Variants in GPC5 observed in about 807,000 individuals in gnomAD.
GPC5 encodes glypican-5.
Under a neutral mutation model 53.9 loss-of-function variants are expected in GPC5, and 47 were observed. That is an observed-to-expected ratio of 0.87 (90% CI 0.69 to 1.11). The LOEUF (loss-of-function observed/expected upper bound fraction) is 1.11. GPC5 is among the 50% of genes most tolerant of loss of function. GPC5 has a pLI of 0.00. For missense variants in GPC5, 748 were observed against 713.1 expected (o/e 1.05, Z -0.56); for synonymous variants, 286 against 263.3 (o/e 1.09, Z -0.84).
intron 7 of GPC5, among the ~76,000 whole-genome samples, chr13:92,834,475 A>T (rs930548717): frequency 6.6e-6 from 1 of 152,142 alleles, no homozygotes; most frequent in Non-Finnish European, 1.5e-5. Context: ...AGTAACATGT[A>T]TCTAGATAGA....
In GPC5 at chr13:92,284,710, C is replaced by G. The variant is rs532162539; in HGVS notation, c.1561+139721C>G. ...TCAACAGCCCTTCATGCTAAAAACT[C>G]TGAACAAATTAGGTGTTGATGAGAA... On this transcript the variant is annotated intron_variant, in intron 7 of 7. Coordinates refer to ENST00000377067, the MANE Select transcript of GPC5 (RefSeq NM_004466.6). 4.6e-5 allele frequency among the ~76,000 whole-genome samples: 7 copies of G among 152,266 alleles called. 1 individual carries two copies. In the South Asian group the frequency reaches 1.0e-3, roughly 23 times the overall value.
intron 7 of GPC5, among the ~76,000 whole-genome samples, chr13:92,350,036 A>T (rs1200967090): frequency 2.0e-5 from 3 of 152,202 alleles, no homozygotes; most frequent in African/African-American, 7.2e-5. Context: ...ATCATCCATC[A>T]TGATCAAGTG....
intron 7 of GPC5, among the ~76,000 whole-genome samples, chr13:92,470,272 C>T (rs945496594): frequency 6.6e-6 from 1 of 152,066 alleles, no homozygotes; most frequent in Non-Finnish European, 1.5e-5. Flanking sequence ...ATTTGCTCTG[C>T]AATAGTAAAT....
chr13:92,559,741 T>C (rs766052830), intron 7 of GPC5, among the ~76,000 whole-genome samples: 5 of 151,658 alleles, frequency 3.3e-5, no homozygotes, highest in Non-Finnish European at 5.9e-5. Context: ...ACTTTCCCCT[T>C]GCTTTTCTGT....
At chr13:92,132,997 A>AT (rs561234334) in intron 6 of GPC5, among the ~76,000 whole-genome samples, 16 of 150,798 alleles carry the variant, frequency 1.1e-4, no homozygotes, top group Middle Eastern at 6.9e-3. Flanking sequence ...TAAGCTCCTC[A>AT]TTTTTTTTTG....
Position 91,756,324 on chromosome 13 carries a change from G to T in GPC5, c.1184G>T (p.Arg395Met), listed in dbSNP as rs1368116796. The change falls in exon 5 of 8, where the codon AGG becomes ATG. Residue 395 changes from arginine (R) to methionine (M), a missense_variant. Arg to Met is a moderately conservative substitution (Grantham distance 91). Transcript: ENST00000377067. ...TTTATCAACAGCCTTCGACTGTACA[G>T]GTCATTCTATGGAGGTCTAGCTGAT... ...KEFINSLRLYRSFYGGLADQL... is the reference protein window; with the variant it reads ...KEFINSLRLYMSFYGGLADQL... 7 of 1,580,760 alleles carry T rather than the reference G, an allele frequency of 4.4e-6. No homozygotes were observed. In the African/African-American group the frequency reaches 9.4e-5, roughly 21 times the overall value.
chr13:92,450,266 A>G (rs923452061), intron 7 of GPC5, among the ~76,000 whole-genome samples: 2 of 152,202 alleles, frequency 1.3e-5, no homozygotes, highest in Non-Finnish European at 2.9e-5. Context: ...AAAGCTTGAG[A>G]ACAGAAGTAT....
At chr13:92,149,524 G>T (rs1246308595) in intron 7 of GPC5, among the ~76,000 whole-genome samples, 1 of 151,992 alleles carries the variant, frequency 6.6e-6, no homozygotes, top group Non-Finnish European at 1.5e-5. Context: ...TTTCTCACAT[G>T]GTAACTTTGT....
chr13:92,199,876 T>A lies in GPC5; in HGVS notation c.1561+54887T>A, dbSNP rs2042282259. Among the ~76,000 whole-genome samples the A allele has an allele frequency of 2.6e-5, 4 of 152,158 alleles. No homozygotes were observed. In the South Asian group the frequency reaches 8.3e-4, roughly 32 times the overall value. On this transcript the variant is annotated intron_variant, in intron 7 of 7. Coordinates refer to ENST00000377067, the MANE Select transcript of GPC5 (RefSeq NM_004466.6). ...CTAGACTGCTGTATATAACATCGTG[T>A]CTCAGGAATTTCTTTGAGAAAATAG...
intron 2 of GPC5, among the ~76,000 whole-genome samples, chr13:91,674,731 G>A (rs1019254677): frequency 6.7e-5 from 10 of 149,370 alleles, no homozygotes; most frequent in African/African-American, 2.0e-4. Context: ...ATGTCTCAGA[G>A]CTTTACTGAA....
chr13:92,641,862 C>T lies in GPC5; in HGVS notation c.1562-224420C>T, dbSNP rs114107294. On this transcript the variant is annotated intron_variant, in intron 7 of 7. Coordinates refer to ENST00000377067, the MANE Select transcript of GPC5 (RefSeq NM_004466.6). ...AGGGAGTGGTAGGCATGTGATACTT[C>T]TCTTTCATCTGGACATATTCCTTAA... Among the ~76,000 whole-genome samples the T allele has an allele frequency of 9.4e-3, 1,430 of 152,242 alleles. 23 individuals are homozygous for T. Among genetic ancestry groups the T allele is most frequent in the African/African-American group, 0.033 (1,377 of 41,546 alleles).
chr13:92,448,165 C>A (rs749065505), intron 7 of GPC5: 1 of 151,970 alleles, frequency 6.6e-6, no homozygotes, highest in Non-Finnish European at 1.5e-5. Flanking sequence ...TGAATGAGAA[C>A]TTTAAAAATA....
At position 91,803,528 on chromosome 13, in the gene GPC5, C is replaced by T. The variant is rs184508026; in HGVS notation, c.1280+47108C>T. Among the ~76,000 whole-genome samples, 468 of 151,896 alleles carry T rather than the reference C, an allele frequency of 3.1e-3. 11 individuals carry two copies. The highest frequency in any genetic ancestry group is 4.3e-3 in the Admixed American group (66 of 15,240). The stretch of plus-strand genomic sequence containing the variant: ...TGTTATTTCTTACCATAAATTTCAC[C>T]ATTATAAAAAAGTTGCTCTCCACAA... On this transcript the variant is annotated intron_variant, in intron 5 of 7. Transcript: ENST00000377067.
chr13:91,555,699 C>T (rs948943377), intron 2 of GPC5, among the ~76,000 whole-genome samples: 1 of 152,082 alleles, frequency 6.6e-6, no homozygotes, highest in Non-Finnish European at 1.5e-5. Context: ...GTTAAATGGA[C>T]TCATAGTTCC....
chr13:91,846,897 G>C (rs2038855273), intron 5 of GPC5, among the ~76,000 whole-genome samples: 1 of 152,064 alleles, frequency 6.6e-6, no homozygotes, highest in African/African-American at 2.4e-5. Flanking sequence ...TAAGTTCAAA[G>C]AGAGAATGTA....
At chr13:92,858,275 T>G (rs1879069555) in intron 7 of GPC5, among the ~76,000 whole-genome samples, 1 of 152,128 alleles carries the variant, frequency 6.6e-6, no homozygotes, top group Admixed American at 6.6e-5. Context: ...GATCTGATGG[T>G]TTTATAAAGG....
intron 7 of GPC5, among the ~76,000 whole-genome samples, chr13:92,159,796 G>T (rs917639573): frequency 6.6e-6 from 1 of 151,498 alleles, no homozygotes; most frequent in African/African-American, 2.4e-5. Flanking sequence ...TAGAGACGGG[G>T]TTTCACTGTG....
intron 7 of GPC5, among the ~76,000 whole-genome samples, chr13:92,375,052 A>C (rs1226287865): frequency 6.6e-6 from 1 of 152,158 alleles, no homozygotes; most frequent in African/African-American, 2.4e-5. Flanking sequence ...TGCCTGTAGC[A>C]GGCCAATGCC....
intron 7 of GPC5, among the ~76,000 whole-genome samples, chr13:92,385,523 T>TACATATATACATATAC (rs1566567787): frequency 2.3e-4 from 31 of 137,710 alleles, no homozygotes; most frequent in East Asian, 9.9e-4. Context: ...TACATACATA[T>TACATATATACATATAC]GCATATATAC....
Sources: gnomAD v4.1 joint callset for allele counts (sites outside exome capture counted in the v4.1 genomes callset) on GRCh38, gnomAD v4.1.1 for gene constraint, MANE v1.5 for transcripts, NCBI Gene and HGNC (gene_info 2026-07-23, HGNC 2026-07-21) for gene names.